Variants in TFEC observed in about 807,000 individuals in gnomAD.
TFEC encodes the protein transcription factor EC.
TFEC carries 31 observed loss-of-function variants against 41.6 expected under a neutral mutation model. The ratio of observed to expected loss-of-function variants is 0.74; its 90% CI spans 0.56 to 1.01. The LOEUF is 1.01. TFEC is among the 50% of genes least tolerant of loss of function. The pLI is 0.00. For synonymous variants in TFEC, 143 were observed against 140.6 expected (o/e 1.02, Z -0.12); for missense variants, 402 against 404.1 (o/e 0.99, Z 0.04).
At chr7:116,152,922 C>T (rs1798790326) in intron 1 of TFEC, among the ~76,000 whole-genome samples, 1 of 152,058 alleles carries the variant, frequency 6.6e-6, no homozygotes, top group South Asian at 2.1e-4. Flanking sequence ...AAAAACTGAC[C>T]AATGAATGAA....
intron 3 of TFEC, among the ~76,000 whole-genome samples, chr7:116,037,237 T>C (rs1410068429): frequency 6.6e-6 from 1 of 152,044 alleles, no homozygotes; most frequent in African/African-American, 2.4e-5. Context: ...CCTACAACAA[T>C]GTCTTTTCTG....
intron 1 of TFEC, among the ~76,000 whole-genome samples, chr7:116,156,886 G>A (rs1798879684): frequency 6.6e-6 from 1 of 152,120 alleles, no homozygotes; most frequent in Admixed American, 6.6e-5. Flanking sequence ...AAATAATTCT[G>A]TTCCACATAT....
chr7:116,061,493 A>G (rs547076220), intron 3 of TFEC, among the ~76,000 whole-genome samples: 1 of 152,194 alleles, frequency 6.6e-6, no homozygotes, highest in Non-Finnish European at 1.5e-5. Context: ...ATGGAAAACT[A>G]CAAAATTTCT....
At chr7:115,993,769 G>A (rs1794231841) in intron 1 of TFEC, among the ~76,000 whole-genome samples, 1 of 152,134 alleles carries the variant, frequency 6.6e-6, no homozygotes, top group Non-Finnish European at 1.5e-5. Flanking sequence ...TCGTGAAAAT[G>A]GCCATACTGC....
chr7:116,016,566 C>G (rs998439819), intron 1 of TFEC, among the ~76,000 whole-genome samples: 1 of 152,122 alleles, frequency 6.6e-6, no homozygotes, highest in African/African-American at 2.4e-5. Flanking sequence ...ATGTGAATGA[C>G]ACGCCCTATT....
chr7:116,118,135 G>A (rs560444198), intron 1 of TFEC, among the ~76,000 whole-genome samples: 2 of 151,714 alleles, frequency 1.3e-5, no homozygotes, highest in South Asian at 2.1e-4. Flanking sequence ...CAAAGTTATG[G>A]CCTGAAGCAA....
chr7:116,148,027 G>T (rs1180606982), intron 1 of TFEC, among the ~76,000 whole-genome samples: 1 of 152,156 alleles, frequency 6.6e-6, no homozygotes, highest in African/African-American at 2.4e-5. Flanking sequence ...AGTAGCAGAG[G>T]TCTACAAATT....
intron 3 of TFEC, among the ~76,000 whole-genome samples, chr7:115,971,796 CAG>C (rs1793146913): frequency 6.6e-6 from 1 of 152,000 alleles, no homozygotes; most frequent in African/African-American, 2.4e-5. Context: ...TAGGCTATGA[CAG>C]TGTCTGTTCA....
chr7:115,970,011 A>G (rs1469274569), intron 3 of TFEC, among the ~76,000 whole-genome samples: 1 of 152,008 alleles, frequency 6.6e-6, no homozygotes, highest in Non-Finnish European at 1.5e-5. Context: ...AGAACCACAA[A>G]AGATATCAAG....
chr7:116,117,768 T>C lies in TFEC; in HGVS notation c.-68-5730A>G, dbSNP rs1042113376. Among the ~76,000 whole-genome samples the C allele has an allele frequency of 1.2e-4, 18 of 152,022 alleles. No individual in the cohort carries two copies. The Middle Eastern group carries it at 0.01, about 86-fold the overall frequency. On this transcript the variant is annotated intron_variant, in intron 1 of 8. Transcript: ENST00000484212. ...ATTAGAACCTAGTTCTCTAGATACC[T>C]ATGGTCCAAATAGCTACCAATTAAA...
chr7:116,028,658 C>A (rs1795675518), intron 1 of TFEC, among the ~76,000 whole-genome samples: 1 of 152,156 alleles, frequency 6.6e-6, no homozygotes. Context: ...GTATTTTTTA[C>A]TGTAAGAGCT....
At chr7:116,051,045 G>A (rs1349837268) in intron 3 of TFEC, among the ~76,000 whole-genome samples, 1 of 152,142 alleles carries the variant, frequency 6.6e-6, no homozygotes, top group South Asian at 2.1e-4. Context: ...ACTATTGCAA[G>A]GACAGAAAAC....
At chr7:116,062,559 T>TCATA (rs1796589161) in intron 3 of TFEC, among the ~76,000 whole-genome samples, 1 of 57,482 alleles carries the variant, frequency 1.7e-5, no homozygotes, top group Non-Finnish European at 3.3e-5. Context: ...TGAGTAGTAC[T>TCATA]CATATATATA....
At chr7:116,085,973 A>G (rs1273980742) in intron 3 of TFEC, among the ~76,000 whole-genome samples, 1 of 151,884 alleles carries the variant, frequency 6.6e-6, no homozygotes, top group Admixed American at 6.6e-5. Flanking sequence ...CCATGAATTA[A>G]TTGACTCTTA....
In TFEC at chr7:115,936,259, A is replaced by G. The variant is rs899264340; in HGVS notation, c.*4292T>C. ...TAAATGTAATGAAATCTCTGTATAT[A>G]TGTATACTAAGTCAAACTGACATAC... On this transcript the variant is annotated 3_prime_UTR_variant, in exon 8 of 8. Transcript: ENST00000265440. 4 of 151,638 alleles carry G rather than the reference A, an allele frequency of 2.6e-5. No individual in the cohort carries two copies. The highest frequency in any genetic ancestry group is 4.4e-5 in the Non-Finnish European group (3 of 67,620). 9.4% of individuals were successfully genotyped at this position (151,638 alleles called of 1,614,324 possible). A position where few individuals can be genotyped will look rare whatever the true frequency, so the allele number is the denominator to read the frequency against.
At chr7:116,031,466 A>G (rs1446908461), upstream of TFEC, among the ~76,000 whole-genome samples, 1 of 152,124 alleles carries the variant, frequency 6.6e-6, no homozygotes, top group Non-Finnish European at 1.5e-5. Flanking sequence ...TTCATGTGTT[A>G]GGTATCTCAG....
chr7:115,946,995 G>C (rs978247560), intron 6 of TFEC, among the ~76,000 whole-genome samples: 9 of 150,800 alleles, frequency 6.0e-5, no homozygotes, highest in Admixed American at 1.3e-4. Flanking sequence ...ATGTATACAT[G>C]TGCCATGCTG....
intron 3 of TFEC, among the ~76,000 whole-genome samples, chr7:115,959,007 C>A (rs890725588): frequency 6.6e-6 from 1 of 151,744 alleles, no homozygotes; most frequent in African/African-American, 2.4e-5. Flanking sequence ...AAACTTCTAT[C>A]AACATTTGTC....
At chr7:115,973,837 C>G (rs558454835) in intron 3 of TFEC, among the ~76,000 whole-genome samples, 1 of 151,916 alleles carries the variant, frequency 6.6e-6, no homozygotes, top group East Asian at 1.9e-4. Flanking sequence ...TAGTCATGAC[C>G]TTTTAAGAGT....
Sources: gnomAD v4.1 joint callset for allele counts (sites outside exome capture counted in the v4.1 genomes callset) on GRCh38, gnomAD v4.1.1 for gene constraint, MANE v1.5 for transcripts, NCBI Gene and HGNC (gene_info 2026-07-23, HGNC 2026-07-21) for gene names.